The following COL26A1 variants were observed in gnomAD, a reference collection of about 807,000 sequenced individuals.
COL26A1 encodes the protein collagen alpha-1(XXVI) chain.
Under a neutral mutation model 59.3 loss-of-function variants are expected in COL26A1, and 41 were observed. That is an observed-to-expected ratio of 0.69 (90% CI 0.54 to 0.90). COL26A1 has a LOEUF of 0.90. COL26A1 is among the 40% of genes least tolerant of loss of function. The probability of loss-of-function intolerance (pLI) is 0.00; values close to 1 mark genes in which losing one functional copy is unlikely to be tolerated. For synonymous variants in COL26A1, 266 were observed against 256.0 expected, an observed-to-expected ratio of 1.04 and a Z score of -0.37; for missense variants, 612 against 602.3, an observed-to-expected ratio of 1.02 and a Z score of -0.17.
chr7:101,477,431 C>T (rs987030639), intron 3 of COL26A1, among the ~76,000 whole-genome samples: 9 of 152,144 alleles, frequency 5.9e-5, no homozygotes, highest in Non-Finnish European at 1.3e-4. Context: ...ATTATAAGCC[C>T]TCAGTGACCC....
chr7:101,547,110 C>A, intron 7 of COL26A1, 46 bp from the exon 8 acceptor site: 1 of 1,392,654 alleles, frequency 7.2e-7, no homozygotes, highest in Non-Finnish European at 9.9e-7. Context: ...CCCAGCACTG[C>A]CAGGTCTGCC....
At chr7:101,376,920 G>A (rs1221841226) in intron 1 of COL26A1, among the ~76,000 whole-genome samples, 4 of 152,068 alleles carry the variant, frequency 2.6e-5, no homozygotes, top group African/African-American at 9.7e-5. Flanking sequence ...GTGCAGTGGC[G>A]TGATCTTAGC....
chr7:101,384,029 T>C (rs1269311838), intron 1 of COL26A1, among the ~76,000 whole-genome samples: 1 of 152,102 alleles, frequency 6.6e-6, no homozygotes, highest in Non-Finnish European at 1.5e-5. Context: ...TATTTATTTA[T>C]TTGAGACAGG....
chr7:101,474,216 G>A (rs1732656039), intron 3 of COL26A1, among the ~76,000 whole-genome samples: 1 of 152,208 alleles, frequency 6.6e-6, no homozygotes, highest in Non-Finnish European at 1.5e-5. Context: ...TAGATAGTAA[G>A]TGAATGATTG....
intron 3 of COL26A1, among the ~76,000 whole-genome samples, chr7:101,513,369 C>T (rs143310513): frequency 0.016 from 2,377 of 152,018 alleles, 28 homozygotes; most frequent in Middle Eastern, 0.061. Context: ...GAGTCGCCCA[C>T]GCCACTGAGT....
intron 2 of COL26A1, among the ~76,000 whole-genome samples, chr7:101,427,958 C>T (rs894003052): frequency 7.1e-4 from 108 of 152,264 alleles, no homozygotes; most frequent in African/African-American, 2.6e-3. Flanking sequence ...AACAGCCTCT[C>T]CTGGTTCCCC....
intron 5 of COL26A1, among the ~76,000 whole-genome samples, chr7:101,540,781 G>T (rs1323484677): frequency 6.6e-6 from 1 of 152,100 alleles, no homozygotes; most frequent in Non-Finnish European, 1.5e-5. Context: ...GGTGGAGGCT[G>T]TAGTGAGCCA....
At chr7:101,506,437 G>A (rs942949022) in intron 3 of COL26A1, among the ~76,000 whole-genome samples, 3 of 152,222 alleles carry the variant, frequency 2.0e-5, no homozygotes, top group African/African-American at 7.2e-5. Flanking sequence ...AGCTGGTGGG[G>A]GCCTCTTAGC....
At chr7:101,533,285 T>TA in intron 4 of COL26A1, 142 bp downstream of exon 4, 1 of 665,254 alleles carries the variant, frequency 1.5e-6, no homozygotes, top group Middle Eastern at 4.0e-4. Context: ...CGGTCCCAGG[T>TA]ACTGGGTACT....
At chr7:101,371,467 A>G in intron 1 of COL26A1, among the ~76,000 whole-genome samples, 1 of 146,784 alleles carries the variant, frequency 6.8e-6, no homozygotes. Context: ...GGGACAACAT[A>G]GCCAGACCCT....
chr7:101,367,963 C>A (rs1791089644), intron 1 of COL26A1, among the ~76,000 whole-genome samples: 1 of 147,434 alleles, frequency 6.8e-6, no homozygotes, highest in Non-Finnish European at 1.5e-5. Context: ...AGCAGAACAC[C>A]ACTGTCTACA....
chr7:101,516,058 A>T (rs906608867), intron 3 of COL26A1, among the ~76,000 whole-genome samples: 2 of 152,186 alleles, frequency 1.3e-5, no homozygotes, highest in Admixed American at 1.3e-4. Flanking sequence ...CTGAGGGGGA[A>T]GTAAGGAGTT....
intron 3 of COL26A1, among the ~76,000 whole-genome samples, chr7:101,455,851 ATGTT>A (rs1326045742): frequency 6.6e-6 from 1 of 151,682 alleles, no homozygotes. Context: ...CCTGGCTAAT[ATGTT>A]TTGTATTTTT....
chr7:101,363,977 C>A (rs1456559619), intron 1 of COL26A1, among the ~76,000 whole-genome samples: 1 of 152,194 alleles, frequency 6.6e-6, no homozygotes, highest in Non-Finnish European at 1.5e-5. Context: ...GGATCCTCGG[C>A]TGCGACTCCC....
At position 101,419,851 on chromosome 7, in the gene COL26A1, C is replaced by T. The variant is rs562972597; in HGVS notation, c.159-126C>T. 166 of 918,912 alleles carry T rather than the reference C, an allele frequency of 1.8e-4. 3 individuals carry two copies. The South Asian group carries it at 2.6e-3, about 14-fold the overall frequency. The allele number at this position is 918,912 out of a possible 1,614,324, so 56.9% of individuals were successfully genotyped here. The stretch of plus-strand genomic sequence containing the variant: ...AGACAGAGGGTCTCAGTGGGCCCCC[C>T]ATCCAAGAGAGCGAGCCTCCACCCC... On this transcript the variant is annotated intron_variant, in intron 1 of 12. Transcript: ENST00000313669.
intron 2 of COL26A1, among the ~76,000 whole-genome samples, chr7:101,443,862 TTTTTC>T (rs1260283105): frequency 6.9e-6 from 1 of 144,880 alleles, no homozygotes; most frequent in East Asian, 2.0e-4. Context: ...TTTCTTTTCC[TTTTTC>T]TTTTCTTTTT....
rs1796011539 is a variant in COL26A1, at chr7:101,557,578, A to G, written c.*48A>G. The G allele has an allele frequency of 2.6e-6, 4 of 1,546,618 alleles. No homozygotes were observed. The Admixed American group carries it at 5.5e-5, about 21-fold the overall frequency. ...CTGTCCTGGCTAGAGACCCAGCCCC[A>G]GAGGCCTGAGCCGCCGCTGTTTCCT... On this transcript the variant is annotated 3_prime_UTR_variant, in exon 13 of 13. Transcript: ENST00000313669.
At chr7:101,538,102 A>C (rs1795521099) in intron 4 of COL26A1, among the ~76,000 whole-genome samples, 1 of 151,886 alleles carries the variant, frequency 6.6e-6, no homozygotes, top group South Asian at 2.1e-4. Context: ...CGCTCCTCCA[A>C]ATCCCCTGCG....
chr7:101,396,810 G>A (rs1791866021), intron 1 of COL26A1, among the ~76,000 whole-genome samples: 1 of 152,146 alleles, frequency 6.6e-6, no homozygotes, highest in African/African-American at 2.4e-5. Context: ...AGAATCCCAG[G>A]CTTGGGGACA....
Sources: allele counts gnomAD v4.1 joint callset (sites outside exome capture counted in the v4.1 genomes callset), GRCh38; gene constraint gnomAD v4.1.1; transcripts MANE v1.5; gene names NCBI Gene and HGNC (gene_info 2026-07-23, HGNC 2026-07-21).